NGLY1: variants seen among roughly 807,000 people sequenced by gnomAD.
NGLY1 encodes N-glycanase 1, also known as peptide-N(4)-(N-acetyl-beta-glucosaminyl)asparagine amidase.
Under a neutral mutation model 84.6 loss-of-function variants are expected in NGLY1, and 68 were observed. The observed-to-expected ratio is 0.80, with a 90% confidence interval of 0.66 to 0.98. The LOEUF (loss-of-function observed/expected upper bound fraction) is 0.98, where lower values mean the gene tolerates loss of function less well. Among genes scored for constraint, NGLY1 ranks in the 50% least tolerant of loss-of-function variants. The pLI is 0.00. For missense variants in NGLY1, 779 were observed against 770.2 expected (o/e 1.01, Z -0.14); for synonymous variants, 280 against 275.2 (o/e 1.02, Z -0.17).
intron 3 of NGLY1, among the ~76,000 whole-genome samples, chr3:25,751,548 G>C (rs1706753834): frequency 6.6e-6 from 1 of 152,188 alleles, no homozygotes; most frequent in East Asian, 1.9e-4. Flanking sequence ...GATCAATACA[G>C]AGCTCTGATC....
At chr3:25,777,193 C>T (rs1233229269) in intron 2 of NGLY1, among the ~76,000 whole-genome samples, 6 of 152,124 alleles carry the variant, frequency 3.9e-5, no homozygotes, top group African/African-American at 1.2e-4. Flanking sequence ...GTCAAGAGTT[C>T]GAGACCAACC....
chr3:25,755,730 C>A (rs115249621), intron 3 of NGLY1: 2 of 1,107,876 alleles, frequency 1.8e-6, no homozygotes, highest in African/African-American at 1.6e-5. Context: ...TGGTTTTGAG[C>A]CCAATATACT....
At chr3:25,722,662 T>C (rs1020370871) in intron 10 of NGLY1, among the ~76,000 whole-genome samples, 1 of 152,246 alleles carries the variant, frequency 6.6e-6, no homozygotes, top group Non-Finnish European at 1.5e-5. Flanking sequence ...CAAACCTAGA[T>C]GTGGAACTGT....
At chr3:25,770,359 G>C (rs1269160996) in intron 2 of NGLY1, among the ~76,000 whole-genome samples, 1 of 152,130 alleles carries the variant, frequency 6.6e-6, no homozygotes, top group African/African-American at 2.4e-5. Context: ...ATGTTGTCCA[G>C]GGAGGTCTTG....
chr3:25,726,191 T>A (rs1400306413), intron 10 of NGLY1, among the ~76,000 whole-genome samples: 1 of 152,124 alleles, frequency 6.6e-6, no homozygotes, highest in Non-Finnish European at 1.5e-5. Flanking sequence ...CTTACAGTGC[T>A]CTACATAGCC....
intron 2 of NGLY1, among the ~76,000 whole-genome samples, chr3:25,774,515 T>C (rs902979067): frequency 1.3e-5 from 2 of 152,056 alleles, no homozygotes; most frequent in African/African-American, 4.8e-5. Context: ...GGAGTTATGT[T>C]TCCAGGGGGA....
intron 2 of NGLY1, among the ~76,000 whole-genome samples, chr3:25,768,605 C>A (rs1399290703): frequency 7.0e-6 from 1 of 143,082 alleles, no homozygotes; most frequent in Non-Finnish European, 1.5e-5. Context: ...ACTGTGTCGC[C>A]GAGGCTGGAG....
At chr3:25,719,708 T>A in intron 11 of NGLY1, 73 bp from the exon 12 acceptor site, 1 of 1,225,592 alleles carries the variant, frequency 8.2e-7, no homozygotes, top group South Asian at 1.5e-5. Context: ...TTGAAATGTA[T>A]TTTATATAGG....
chr3:25,720,279 C>G (rs1365657986), intron 10 of NGLY1, 88 bp from the exon 11 acceptor site: 1 of 1,065,108 alleles, frequency 9.4e-7, no homozygotes, highest in African/African-American at 1.6e-5. Flanking sequence ...ATTACTGTCA[C>G]AGGGTAGTAT....
chr3:25,754,550 A>G (rs957762075), intron 3 of NGLY1, among the ~76,000 whole-genome samples: 1 of 152,154 alleles, frequency 6.6e-6, no homozygotes, highest in East Asian at 1.9e-4. Flanking sequence ...TGTTTTCAGA[A>G]TATCACTTTA....
At chr3:25,755,398 T>C (rs1458326189) in intron 3 of NGLY1, 6 of 1,412,156 alleles carry the variant, frequency 4.2e-6, no homozygotes, top group South Asian at 1.2e-5. Flanking sequence ...CCACTCCTAC[T>C]ATAGTGACCC....
intron 10 of NGLY1, among the ~76,000 whole-genome samples, chr3:25,721,702 CTGCGCCAT>C (rs2125445641): frequency 8.0e-6 from 1 of 125,420 alleles, no homozygotes; most frequent in African/African-American, 3.1e-5. Context: ...TGAGCCGAGA[CTGCGCCAT>C]TGCACTCCAG....
upstream of NGLY1, among the ~76,000 whole-genome samples, chr3:25,788,078 T>G (rs1350464199): frequency 6.6e-6 from 1 of 152,230 alleles, no homozygotes; most frequent in Non-Finnish European, 1.5e-5. Flanking sequence ...CACTTACTTG[T>G]TTCTATGGGT....
intron 7 of NGLY1, 186 bp downstream of exon 7, chr3:25,735,818 T>C (rs1438079938): frequency 6.0e-6 from 3 of 503,310 alleles, no homozygotes; most frequent in Non-Finnish European, 6.6e-6. Context: ...TGGTAAACTA[T>C]GGCACATCCA....
chr3:25,764,154 G>A lies in NGLY1; in HGVS notation c.404C>T (p.Pro135Leu), dbSNP rs983411072. ...SQQPAASTQL[P>L]TTPSSNPSGL... ...ACTGGGATTTGAAGATGGTGTTGTA[G>A]GAAGCTGGGTACTGGCTGCAGGTTG... The change falls in exon 3 of 12, where the codon CCT becomes CTT. Residue 135 changes from proline (P) to leucine (L), a missense_variant. Pro to Leu is a moderately conservative substitution (Grantham distance 98, BLOSUM62 -3). Coordinates refer to ENST00000280700, the MANE Select transcript of NGLY1 (RefSeq NM_018297.4). The A allele has an allele frequency of 1.3e-5, 21 of 1,614,080 alleles. No individual in the cohort carries two copies. Among genetic ancestry groups the A allele is most frequent in the Non-Finnish European group, 1.5e-5 (18 of 1,180,040 alleles).
Position 25,719,359 on chromosome 3 carries a change from G to A in NGLY1, c.*101C>T. On this transcript the variant is annotated 3_prime_UTR_variant, in exon 12 of 12. Coordinates refer to ENST00000280700, the MANE Select transcript of NGLY1 (RefSeq NM_018297.4). The stretch of plus-strand genomic sequence containing the variant: ...GATGGATAGCTAGCAAAAGAAATAT[G>A]CTAGCACAGGGTGGTAACTGCCAAC... 1.2e-6 allele frequency: 1 copy of A among 867,550 alleles called. No homozygotes were observed. Among genetic ancestry groups the A allele is most frequent in the Non-Finnish European group, 1.8e-6 (1 of 554,738 alleles). The allele number at this position is 867,550 out of a possible 1,614,324, so 53.7% of individuals were successfully genotyped here.
chr3:25,749,248 T>C (rs1430276376), intron 4 of NGLY1, among the ~76,000 whole-genome samples: 1 of 152,164 alleles, frequency 6.6e-6, no homozygotes, highest in African/African-American at 2.4e-5. Context: ...TCTGGGTGTA[T>C]ACCAAAAATA....
At chr3:25,759,388 T>G (rs901782743) in intron 3 of NGLY1, among the ~76,000 whole-genome samples, 4 of 152,108 alleles carry the variant, frequency 2.6e-5, no homozygotes, top group Admixed American at 2.6e-4. Context: ...GCACTTATAG[T>G]GTCTCATTTT....
At position 25,783,378 on chromosome 3, in the gene NGLY1, C is replaced by T; in HGVS notation, c.13G>A (p.Ala5Thr). The change falls in exon 1 of 12, where the codon GCA becomes ACA. Residue 5 changes from alanine to threonine, a missense_variant. By Grantham distance (58) the Ala-to-Thr change is moderately conservative. Transcript: ENST00000280700. This position sits in a 1 kb window ranked among gnomAD's most constrained non-coding sequence, Gnocchi z 4.5. MAAA[A>T]LGSSSGSASP... ...GCCGAGCCTGAGGAGCTGCCCAATG[C>T]CGCCGCCGCCATGCTTGAGCGCCAG... 1 of 1,541,730 alleles carries T rather than the reference C, an allele frequency of 6.5e-7. No homozygotes were observed. Among genetic ancestry groups the T allele is most frequent in the Non-Finnish European group, 8.7e-7 (1 of 1,144,814 alleles).
Sources: gnomAD v4.1 joint callset for allele counts (sites outside exome capture counted in the v4.1 genomes callset) on GRCh38, gnomAD v4.1.1 for gene constraint, Gnocchi (gnomAD v3.1) non-coding constraint, MANE v1.5 for transcripts, NCBI Gene and HGNC (gene_info 2026-07-23, HGNC 2026-07-21) for gene names.